Variants in ASPH observed in about 807,000 individuals in gnomAD.
The protein encoded by ASPH is aspartate beta-hydroxylase.
A neutral mutation model predicts 118.4 loss-of-function variants in ASPH; 100 were observed. The observed-to-expected ratio is 0.84, with a 90% CI of 0.72 to 1.00. The LOEUF is 1.00. Among genes scored for constraint, ASPH ranks in the 50% least tolerant of loss-of-function variants. The pLI, the probability that ASPH is intolerant of heterozygous loss-of-function variation, is 0.00. For missense variants in ASPH, 920 were observed against 919.5 expected (o/e 1.00, Z -0.01); for synonymous variants, 315 against 325.6 (o/e 0.97, Z 0.35).
intron 7 of ASPH, 90 bp from the exon 8 acceptor site, chr8:61,644,091 A>T: frequency 1.0e-6 from 1 of 985,934 alleles, no homozygotes. Flanking sequence ...TCTAGTTATG[A>T]TTGAAATGCA....
chr8:61,596,586 AC>A (rs1842573190), intron 14 of ASPH, among the ~76,000 whole-genome samples: 1 of 152,252 alleles, frequency 6.6e-6, no homozygotes, highest in African/African-American at 2.4e-5. Flanking sequence ...CACAGCCTCC[AC>A]TAAAATTCAC....
chr8:61,586,631 G>A (rs1839542822), intron 14 of ASPH, among the ~76,000 whole-genome samples: 2 of 152,096 alleles, frequency 1.3e-5, no homozygotes, highest in South Asian at 4.1e-4. Context: ...TGAACACAGG[G>A]AATTTAACTA....
chr8:61,697,602 C>A (rs772321868), intron 1 of ASPH, among the ~76,000 whole-genome samples: 15 of 152,144 alleles, frequency 9.9e-5, no homozygotes, highest in Non-Finnish European at 1.6e-4. Context: ...ACCCCCTCCT[C>A]CAGTTTGATT....
chr8:61,553,299 G>A (rs1447167602), intron 19 of ASPH, among the ~76,000 whole-genome samples, 179 bp from the exon 20 acceptor site: 1 of 152,204 alleles, frequency 6.6e-6, no homozygotes, highest in Non-Finnish European at 1.5e-5. Context: ...AAAACAAAAG[G>A]AGGTCATAAA....
chr8:61,568,879 A>G (rs1439896815), intron 16 of ASPH, among the ~76,000 whole-genome samples: 3 of 152,192 alleles, frequency 2.0e-5, no homozygotes, highest in Admixed American at 2.0e-4. Context: ...AAAGGGGAGC[A>G]GAAAAATGAG....
At chr8:61,644,131 T>G (rs1431704688) in intron 7 of ASPH, 130 bp from the exon 8 acceptor site, 2 of 731,890 alleles carry the variant, frequency 2.7e-6, no homozygotes, top group Non-Finnish European at 4.6e-6. Context: ...TTCAAACATG[T>G]TCACTCCTGA....
chr8:61,506,129 TATTA>T (rs1806466988), intron 24 of ASPH, among the ~76,000 whole-genome samples: 1 of 152,210 alleles, frequency 6.6e-6, no homozygotes, highest in Admixed American at 6.5e-5. Context: ...TACAATGGAA[TATTA>T]ATTCAGCCTT....
intron 14 of ASPH, among the ~76,000 whole-genome samples, chr8:61,585,338 A>G (rs1055940726): frequency 6.6e-5 from 10 of 152,184 alleles, no homozygotes; most frequent in African/African-American, 2.4e-4. Flanking sequence ...GGTAAGCAGA[A>G]TGTTCTGGAG....
chr8:61,524,052 A>G (rs1269172135), intron 22 of ASPH, among the ~76,000 whole-genome samples: 1 of 152,182 alleles, frequency 6.6e-6, no homozygotes, highest in Non-Finnish European at 1.5e-5. Context: ...TTGCACGCCA[A>G]CCTGGGCAAG....
intron 21 of ASPH, among the ~76,000 whole-genome samples, chr8:61,540,949 GA>G (rs199630253): frequency 2.0e-5 from 3 of 150,384 alleles, no homozygotes; most frequent in East Asian, 1.9e-4. Flanking sequence ...AATAAGAATT[GA>G]AAAAAAAATT....
At chr8:61,688,933 A>T (rs776730261) in intron 1 of ASPH, among the ~76,000 whole-genome samples, 8 of 152,232 alleles carry the variant, frequency 5.3e-5, no homozygotes, top group Non-Finnish European at 8.8e-5. Flanking sequence ...GTACATGCTT[A>T]TATTCTCTAT....
At chr8:61,577,422 A>G (rs1369608267) in intron 15 of ASPH, among the ~76,000 whole-genome samples, 1 of 147,528 alleles carries the variant, frequency 6.8e-6, no homozygotes, top group African/African-American at 2.6e-5. Context: ...AAAAAAAAAA[A>G]AGACAAGACA....
intron 15 of ASPH, among the ~76,000 whole-genome samples, chr8:61,577,532 T>G (rs1835748481): frequency 6.6e-6 from 1 of 152,096 alleles, no homozygotes; most frequent in South Asian, 2.1e-4. Context: ...TATTAGTCTG[T>G]TTTCACACTG....
chr8:61,555,324 C>T (rs993178629), intron 19 of ASPH, among the ~76,000 whole-genome samples: 12 of 151,740 alleles, frequency 7.9e-5, no homozygotes, highest in Non-Finnish European at 1.5e-4. Flanking sequence ...ACTCTGTTGC[C>T]CAGGCTGGTG....
At chr8:61,623,533 C>T (rs1179668092) in intron 13 of ASPH, among the ~76,000 whole-genome samples, 1 of 152,100 alleles carries the variant, frequency 6.6e-6, no homozygotes, top group East Asian at 1.9e-4. Flanking sequence ...TGTACAGAAG[C>T]TTTGTAACTT....
At chr8:61,514,449 C>T (rs2129617130) in intron 24 of ASPH, among the ~76,000 whole-genome samples, 1 of 152,198 alleles carries the variant, frequency 6.6e-6, no homozygotes, top group South Asian at 2.1e-4. Context: ...CGTGGTGGCT[C>T]ATGCCTGTAA....
chr8:61,568,580 A>G (rs1208991868), intron 16 of ASPH, among the ~76,000 whole-genome samples: 1 of 152,186 alleles, frequency 6.6e-6, no homozygotes, highest in Non-Finnish European at 1.5e-5. Context: ...AGGGGCATAT[A>G]TGAGTCTGAA....
intron 5 of ASPH, among the ~76,000 whole-genome samples, 189 bp from the exon 6 acceptor site, chr8:61,647,067 T>C (rs917607710): frequency 3.3e-5 from 5 of 152,308 alleles, no homozygotes; most frequent in East Asian, 1.9e-4. Context: ...CCTAAGTATA[T>C]GTGGTGGGGG....
chr8:61,511,292 G>A (rs981314556), intron 24 of ASPH, among the ~76,000 whole-genome samples: 1 of 152,074 alleles, frequency 6.6e-6, no homozygotes, highest in Non-Finnish European at 1.5e-5. Context: ...TCAGTCTGTC[G>A]CTAAGTGACG....
Sources: allele counts gnomAD v4.1 joint callset (sites outside exome capture counted in the v4.1 genomes callset), GRCh38; gene constraint gnomAD v4.1.1; transcripts MANE v1.5; gene names NCBI Gene and HGNC (gene_info 2026-07-23, HGNC 2026-07-21).